Variants in UNC5C observed in about 807,000 individuals in gnomAD.
The protein encoded by UNC5C is netrin receptor UNC5C.
In UNC5C, 47 loss-of-function variants were observed where a neutral mutation model predicts 99.8. The ratio of observed to expected loss-of-function variants is 0.47; its 90% confidence interval spans 0.37 to 0.60. The LOEUF (loss-of-function observed/expected upper bound fraction) is 0.60. Among genes scored for constraint, UNC5C ranks in the 20% least tolerant of loss-of-function variants. UNC5C has a pLI of 0.00. For synonymous variants in UNC5C, 487 were observed against 452.2 expected, an observed-to-expected ratio of 1.08 and a Z score of -0.98; for missense variants, 1,062 against 1,165.9, an observed-to-expected ratio of 0.91 and a Z score of 1.30.
intron 1 of UNC5C, among the ~76,000 whole-genome samples, chr4:95,408,001 A>G (rs933945950): frequency 2.0e-5 from 3 of 152,224 alleles, no homozygotes; most frequent in African/African-American, 7.2e-5. Context: ...AGCAGTTAGT[A>G]AGGAATTATT....
At chr4:95,256,692 C>G (rs72881260) in intron 4 of UNC5C, among the ~76,000 whole-genome samples, 12,955 of 105,878 alleles carry the variant, frequency 0.12, 843 homozygotes, top group African/African-American at 0.2. Flanking sequence ...AGGGACAGAA[C>G]TAAATAAATA....
chr4:95,437,769 T>C (rs1746834846), intron 1 of UNC5C, among the ~76,000 whole-genome samples: 2 of 152,112 alleles, frequency 1.3e-5, no homozygotes, highest in South Asian at 4.1e-4. Context: ...TGGTAAGGTC[T>C]CATGCAATGG....
chr4:95,445,061 A>T (rs1747058606), intron 1 of UNC5C, among the ~76,000 whole-genome samples: 2 of 152,242 alleles, frequency 1.3e-5, no homozygotes, highest in East Asian at 1.9e-4. Context: ...GAATCCAATT[A>T]AAAAAATGAC....
chr4:95,354,488 T>TTTTTTTTTTTA lies in UNC5C; in HGVS notation c.125-18858_125-18857insTAAAAAAAAAA, dbSNP rs1744108065. On this transcript the variant is annotated intron_variant, in intron 1 of 15. Transcript: ENST00000453304. Reference sequence around the variant, plus strand: ...TCTTCCATATATATATATTTTTTTTTTTTTTTTAAGAGACAGGGTCTTGTC... The same window carrying TTTTTTTTTTTA: ...TCTTCCATATATATATATTTTTTTTTTTTTTTTTTTATTTTTTTAAGAGACAGGGTCTTGTC... 3.3e-4 allele frequency among the ~76,000 whole-genome samples: 48 copies of TTTTTTTTTTTA among 145,950 alleles called. No homozygotes were observed. In the South Asian group the frequency reaches 0.01, roughly 32 times the overall value.
intron 4 of UNC5C, among the ~76,000 whole-genome samples, chr4:95,262,449 T>C (rs906472116): frequency 6.6e-6 from 1 of 152,318 alleles, no homozygotes; most frequent in East Asian, 1.9e-4. Context: ...AGAAATGTAA[T>C]TGATTTCATC....
At chr4:95,312,030 GA>G (rs746293647) in intron 2 of UNC5C, among the ~76,000 whole-genome samples, 7 of 150,924 alleles carry the variant, frequency 4.6e-5, no homozygotes, top group Non-Finnish European at 8.8e-5. Flanking sequence ...TTGGGTGACA[GA>G]GTGAAATCCA....
chr4:95,233,225 G>A (rs1419851412), intron 7 of UNC5C, among the ~76,000 whole-genome samples: 1 of 152,170 alleles, frequency 6.6e-6, no homozygotes, highest in Non-Finnish European at 1.5e-5. Context: ...AGTTGAAAGT[G>A]CTAACTTTGC....
At chr4:95,329,418 G>A (rs1305446080) in intron 2 of UNC5C, among the ~76,000 whole-genome samples, 7 of 152,138 alleles carry the variant, frequency 4.6e-5, no homozygotes, top group Non-Finnish European at 1.0e-4. Flanking sequence ...TAGTTCCTAG[G>A]TTTGTAACTA....
chr4:95,494,005 A>G (rs187851554), intron 1 of UNC5C, among the ~76,000 whole-genome samples: 40 of 151,628 alleles, frequency 2.6e-4, no homozygotes, highest in Admixed American at 4.6e-4. Flanking sequence ...TTAAATTTAA[A>G]CTATGATATC....
At chr4:95,248,441 C>A (rs188030159) in intron 5 of UNC5C, 1 of 410,622 alleles carries the variant, frequency 2.4e-6, no homozygotes, top group African/African-American at 2.1e-5. Context: ...TTAATAAGAT[C>A]GATACAGAAT....
chr4:95,339,627 A>G (rs2626051), intron 1 of UNC5C, among the ~76,000 whole-genome samples: 118,057 of 151,840 alleles, frequency 0.78, 46,545 homozygotes, highest in East Asian at 1. Context: ...GGTGATAATA[A>G]GAATTCAGTT....
At chr4:95,261,767 G>C (rs184185570) in intron 4 of UNC5C, among the ~76,000 whole-genome samples, 1 of 150,876 alleles carries the variant, frequency 6.6e-6, no homozygotes, top group Admixed American at 6.6e-5. Context: ...GCGGTGGCGC[G>C]ATCTCAGCTC....
chr4:95,185,083 A>G lies in UNC5C; in HGVS notation c.2250T>C (p.His750=). The stretch of plus-strand genomic sequence containing the variant: ...CCAGCAATTTGCTCTTCCAGAGGGA[A>G]TGGGCGATATCGTGAATTGACAGGC... ...NLRLSIHDIA[H]SLWKSKLLAK... Residue 750 remains histidine, a synonymous_variant, in exon 13 of 16, where the codon CAT becomes CAC. Transcript: ENST00000453304. The G allele has an allele frequency of 6.2e-7, 1 of 1,613,706 alleles. No homozygotes were observed. The highest frequency in any genetic ancestry group is 1.1e-5 in the South Asian group (1 of 90,986).
At position 95,256,714 on chromosome 4, in the gene UNC5C, A is replaced by ATATG. The variant is rs781002237; in HGVS notation, c.595-6048_595-6047insCATA. Among the ~76,000 whole-genome samples the ATATG allele has an allele frequency of 3.2e-4, 41 of 127,302 alleles. 2 individuals carry two copies. Among genetic ancestry groups the ATATG allele is most frequent in the Admixed American group, 1.2e-3 (15 of 12,792 alleles). The allele number at this position is 127,302 out of a possible 152,430, so 83.5% of individuals were successfully genotyped here. A position where few individuals can be genotyped will look rare whatever the true frequency, so the allele number is the denominator to read the frequency against. On this transcript the variant is annotated intron_variant, in intron 4 of 15. Transcript: ENST00000453304. The stretch of plus-strand genomic sequence containing the variant: ...GAACTAAATAAATATATATATATAT[A>ATATG]TATATATGAGTTTATTAAGTATTAA...
rs577722147 is a variant in UNC5C, at chr4:95,335,560, T to C, written c.196A>G (p.Ile66Val). ...ACAATATAAGCTTCTTCAGGCTCAATAAGGAAATGTGGCAGAGGCTCAGGT... is the reference window on the plus strand; with the variant it reads ...ACAATATAAGCTTCTTCAGGCTCAACAAGGAAATGTGGCAGAGGCTCAGGT... ...DPPEPLPHFL[I>V]EPEEAYIVKN... Residue 66 changes from isoleucine (I) to valine (V), a missense_variant, in exon 2 of 16, where the codon ATT (isoleucine) becomes GTT (valine). Ile to Val is a conservative substitution (Grantham distance 29). This residue lies in a region of UNC5C where 249 missense variants were observed against 295.1 expected (regional missense o/e 0.84). Transcript: ENST00000453304. The C allele has an allele frequency of 1.3e-4, 209 of 1,612,272 alleles. No homozygotes were observed. The South Asian group carries it at 2.2e-3, about 17-fold the overall frequency.
At chr4:95,412,447 G>C (rs557642487) in intron 1 of UNC5C, among the ~76,000 whole-genome samples, 1 of 152,170 alleles carries the variant, frequency 6.6e-6, no homozygotes, top group East Asian at 1.9e-4. Flanking sequence ...TCCTAGACTG[G>C]AAGCTCCTTG....
rs112854281 is a variant in UNC5C, at chr4:95,345,528, A to G, written c.125-9897T>C. Among the ~76,000 whole-genome samples, 210 of 152,118 alleles carry G rather than the reference A, an allele frequency of 1.4e-3. 1 individual carries two copies. Among genetic ancestry groups the G allele is most frequent in the African/African-American group, 4.8e-3 (200 of 41,556 alleles). On this transcript the variant is annotated intron_variant, in intron 1 of 15. Coordinates refer to ENST00000453304, the MANE Select transcript of UNC5C (RefSeq NM_003728.4). ...TGGACCTGATAGATATCTACAGAAAATTTCACTCAGCAGTTACAGAATGCA... is the reference window on the plus strand; with the variant it reads ...TGGACCTGATAGATATCTACAGAAAGTTTCACTCAGCAGTTACAGAATGCA...
At chr4:95,517,590 G>A (rs900355871) in intron 1 of UNC5C, among the ~76,000 whole-genome samples, 2 of 152,098 alleles carry the variant, frequency 1.3e-5, no homozygotes, top group African/African-American at 4.8e-5. Context: ...ACCCAATACT[G>A]CAAAGATATA....
intron 1 of UNC5C, among the ~76,000 whole-genome samples, chr4:95,532,051 A>G (rs1306184218): frequency 6.6e-6 from 1 of 152,212 alleles, no homozygotes; most frequent in Non-Finnish European, 1.5e-5. Flanking sequence ...AAATTGACCA[A>G]ATCAAAATTG....
Sources: allele counts gnomAD v4.1 joint callset (sites outside exome capture counted in the v4.1 genomes callset), GRCh38; gene constraint gnomAD v4.1.1; regional missense constraint gnomAD v4.1.1; transcripts MANE v1.5; gene names NCBI Gene and HGNC (gene_info 2026-07-23, HGNC 2026-07-21).